Variants in ARHGAP6 observed in about 807,000 individuals in gnomAD.
The protein encoded by ARHGAP6 is rho GTPase-activating protein 6.
In ARHGAP6, 16 loss-of-function variants were observed where a neutral mutation model predicts 55.7. That is an observed-to-expected ratio of 0.29 (90% CI 0.19 to 0.44). The LOEUF is 0.44. Among genes scored for constraint, ARHGAP6 ranks in the 20% least tolerant of loss-of-function variants. The pLI is 1.00. For missense variants in ARHGAP6, 698 were observed against 808.9 expected, an observed-to-expected ratio of 0.86 and a Z score of 1.66; for synonymous variants, 382 against 360.9, an observed-to-expected ratio of 1.06 and a Z score of -0.66.
intron 1 of ARHGAP6, among the ~76,000 whole-genome samples, chrX:11,391,818 A>T (rs1714242139): frequency 8.9e-6 from 1 of 112,352 alleles, no homozygotes; most frequent in Non-Finnish European, 1.9e-5. Flanking sequence ...GGATCTTCGT[A>T]AAATGCAGAT....
chrX:11,280,021 A>G (rs1199214485), intron 1 of ARHGAP6, among the ~76,000 whole-genome samples: 2 of 111,256 alleles, frequency 1.8e-5, no homozygotes, highest in Non-Finnish European at 3.8e-5. Flanking sequence ...GTCACAACTG[A>G]GGAGGAAAGT....
At chrX:11,448,910 G>T (rs1053535083) in intron 1 of ARHGAP6, among the ~76,000 whole-genome samples, 1 of 111,750 alleles carries the variant, frequency 8.9e-6, no homozygotes, top group Non-Finnish European at 1.9e-5. Context: ...TCATTGAAAT[G>T]TCTCACCTTC....
chrX:11,224,632 G>C (rs2047020349), intron 2 of ARHGAP6, among the ~76,000 whole-genome samples: 1 of 109,645 alleles, frequency 9.1e-6, no homozygotes, highest in Non-Finnish European at 1.9e-5. Flanking sequence ...TTGATAGAGG[G>C]AGAGTTGGGC....
At chrX:11,438,403 G>A (rs2050008775) in intron 1 of ARHGAP6, among the ~76,000 whole-genome samples, 2 of 112,304 alleles carry the variant, frequency 1.8e-5, no homozygotes, top group Non-Finnish European at 3.8e-5. Flanking sequence ...CAATCATTTC[G>A]TGAGCTCATT....
chrX:11,506,050 A>G (rs187664340), intron 1 of ARHGAP6, among the ~76,000 whole-genome samples: 1 of 111,295 alleles, frequency 9.0e-6, no homozygotes, highest in Non-Finnish European at 1.9e-5. Flanking sequence ...AAAAGTTAAA[A>G]AAAGAACACA....
chrX:11,292,704 C>T (rs1273507645), intron 1 of ARHGAP6, among the ~76,000 whole-genome samples: 2 of 111,898 alleles, frequency 1.8e-5, no homozygotes, highest in African/African-American at 6.5e-5. Context: ...GTCTGGTGTG[C>T]ACTCCTTGCC....
At chrX:11,452,888 T>C (rs750579460) in intron 1 of ARHGAP6, among the ~76,000 whole-genome samples, 5 of 111,309 alleles carry the variant, frequency 4.5e-5, no homozygotes. Context: ...AAATGAATTC[T>C]ACAATTTTTC....
chrX:11,353,186 C>T (rs1225808877), intron 1 of ARHGAP6, among the ~76,000 whole-genome samples: 1 of 111,659 alleles, frequency 9.0e-6, no homozygotes, highest in African/African-American at 3.3e-5. Context: ...AGAGAAGCCT[C>T]AGATCCTTGG....
intron 1 of ARHGAP6, among the ~76,000 whole-genome samples, chrX:11,408,576 T>A (rs1256066018): frequency 2.7e-5 from 3 of 111,094 alleles, no homozygotes; most frequent in Non-Finnish European, 5.7e-5. Flanking sequence ...AGGTGACCGA[T>A]GCAGCAGTTA....
intron 10 of ARHGAP6, among the ~76,000 whole-genome samples, chrX:11,151,528 C>A (rs992825836): frequency 3.6e-5 from 4 of 111,419 alleles, no homozygotes; most frequent in Non-Finnish European, 7.5e-5. Context: ...AAAATCTCTT[C>A]TAATCCCCCT....
At chrX:11,354,294 TTTC>T (rs1569311457) in intron 1 of ARHGAP6, among the ~76,000 whole-genome samples, 41 of 59,825 alleles carry the variant, frequency 6.9e-4, no homozygotes, top group African/African-American at 5.6e-4. Flanking sequence ...TCTCTCTCTC[TTTC>T]TCTCTCTCTC....
intron 10 of ARHGAP6, chrX:11,148,581 C>G: frequency 2.9e-6 from 1 of 341,752 alleles, no homozygotes; most frequent in South Asian, 2.7e-5. Flanking sequence ...CCAATCTCAG[C>G]TAACCAGACA....
intron 2 of ARHGAP6, among the ~76,000 whole-genome samples, chrX:11,219,732 GTTGT>G (rs1238593993): frequency 1.1e-5 from 1 of 93,331 alleles, no homozygotes; most frequent in Non-Finnish European, 2.1e-5. Context: ...TTTTGATGGG[GTTGT>G]TTGTTTTTTT....
chrX:11,635,334 T>C (rs1004784477), intron 1 of ARHGAP6, among the ~76,000 whole-genome samples: 1 of 89,546 alleles, frequency 1.1e-5, no homozygotes, highest in African/African-American at 3.5e-5. Flanking sequence ...TAATTATCTC[T>C]ATAATAAAGG....
intron 1 of ARHGAP6, among the ~76,000 whole-genome samples, chrX:11,467,984 GAATGAATGAATA>G (rs1210492358): frequency 0.013 from 601 of 45,717 alleles, no homozygotes; most frequent in South Asian, 0.049. Context: ...TGTCTTAAAT[GAATGAATGAATA>G]AATAAATAAA....
At chrX:11,328,790 G>A (rs1385238377) in intron 1 of ARHGAP6, among the ~76,000 whole-genome samples, 1 of 112,062 alleles carries the variant, frequency 8.9e-6, no homozygotes, top group Non-Finnish European at 1.9e-5. Context: ...TTCTGAGTGT[G>A]GAGATATCTT....
chrX:11,194,076 T>C (rs2046499015), intron 3 of ARHGAP6, among the ~76,000 whole-genome samples: 1 of 112,542 alleles, frequency 8.9e-6, no homozygotes, highest in Admixed American at 9.4e-5. Context: ...ACCTGAGTGA[T>C]CCCTTTAATA....
At chrX:11,368,815 T>G (rs1440967689) in intron 1 of ARHGAP6, among the ~76,000 whole-genome samples, 1 of 112,173 alleles carries the variant, frequency 8.9e-6, no homozygotes, top group Non-Finnish European at 1.9e-5. Context: ...ATTTGTGGAA[T>G]AAAATAATTT....
Position 11,502,419 on chromosome X carries a change from T to A in ARHGAP6, c.588+161822A>T, listed in dbSNP as rs189507511. ...ATTTCTTGATCTGATGATAGTCACA[T>A]GGGTGAGTCCACTTTGTGAAAACAA... On this transcript the variant is annotated intron_variant, in intron 1 of 12. Transcript: ENST00000337414. 3.8e-3 allele frequency among the ~76,000 whole-genome samples: 428 copies of A among 112,793 alleles called. 1 individual carries two copies. Among genetic ancestry groups the A allele is most frequent in the African/African-American group, 0.013 (411 of 31,125 alleles).
Sources: allele counts gnomAD v4.1 joint callset (sites outside exome capture counted in the v4.1 genomes callset), GRCh38; gene constraint gnomAD v4.1.1; transcripts MANE v1.5; gene names NCBI Gene and HGNC (gene_info 2026-07-23, HGNC 2026-07-21).